The following XKR9 variants were observed in gnomAD, a reference collection of about 807,000 sequenced individuals.
XKR9 encodes the protein XK-related protein 9.
Under a neutral mutation model 32.0 loss-of-function variants are expected in XKR9, and 32 were observed. The ratio of observed to expected loss-of-function variants is 1.00; its 90% CI spans 0.76 to 1.34. The LOEUF (loss-of-function observed/expected upper bound fraction) is 1.34. Ranked by LOEUF, XKR9 falls within the 40% of genes most tolerant of loss-of-function variation. XKR9 has a pLI of 0.00. For missense variants in XKR9, 546 were observed against 429.7 expected (o/e 1.27, Z -2.39); for synonymous variants, 168 against 143.4 (o/e 1.17, Z -1.22).
chr8:70,948,580 T>C, the XKR9 span, among the ~76,000 whole-genome samples: 1 of 152,154 alleles, frequency 6.6e-6, no homozygotes, highest in Admixed American at 6.5e-5. Context: ...CATGTCATTC[T>C]CTCTGGTCTA....
chr8:70,825,494 CT>C, the XKR9 span, among the ~76,000 whole-genome samples: 15 of 152,204 alleles, frequency 9.9e-5, no homozygotes, highest in Non-Finnish European at 1.8e-4. Context: ...TCATACAATT[CT>C]CTTGAAGAAT....
chr8:70,704,504 G>A (rs543112498), intron 3 of XKR9, among the ~76,000 whole-genome samples: 2 of 152,264 alleles, frequency 1.3e-5, no homozygotes, highest in South Asian at 4.1e-4. Context: ...CAATGAGGGA[G>A]GTATGATGAT....
At chr8:70,909,910 T>C in the XKR9 span, among the ~76,000 whole-genome samples, 6 of 151,834 alleles carry the variant, frequency 4.0e-5, no homozygotes, top group African/African-American at 1.5e-4. Flanking sequence ...GGTTTTATCA[T>C]GTTGGCCAGG....
At chr8:70,768,752 C>CT (rs34429338) in intron 2 of XKR9, among the ~76,000 whole-genome samples, 11,041 of 144,098 alleles carry the variant, frequency 0.077, 441 homozygotes, top group Non-Finnish European at 0.092. Flanking sequence ...GAAACCCCTG[C>CT]TTTTTTTTTT....
intron 4 of XKR9, among the ~76,000 whole-genome samples, chr8:70,718,169 T>C (rs1260222017): frequency 1.3e-5 from 2 of 152,196 alleles, no homozygotes; most frequent in Non-Finnish European, 1.5e-5. Context: ...TGTCAAACTA[T>C]CCCACATTTT....
chr8:71,050,278 TAGATATAG>T, the XKR9 span, among the ~76,000 whole-genome samples: 5 of 136,186 alleles, frequency 3.7e-5, no homozygotes, highest in African/African-American at 1.5e-4. Context: ...TAGATAGATA[TAGATATAG>T]ATATAGATAT....
chr8:70,830,203 T>A, the XKR9 span, among the ~76,000 whole-genome samples: 17 of 152,212 alleles, frequency 1.1e-4, no homozygotes, highest in Admixed American at 1.0e-3. Flanking sequence ...AACTAACTGC[T>A]GGTTCTAAGT....
chr8:70,835,578 CT>C, the XKR9 span, among the ~76,000 whole-genome samples: 1 of 151,922 alleles, frequency 6.6e-6, no homozygotes, highest in African/African-American at 2.4e-5. Flanking sequence ...ATAGTCAATC[CT>C]TTTTTTGGAG....
At chr8:71,001,347 A>G in the XKR9 span, among the ~76,000 whole-genome samples, 2 of 152,042 alleles carry the variant, frequency 1.3e-5, no homozygotes, top group Non-Finnish European at 2.9e-5. Context: ...CTACAGCCTC[A>G]ACTCCCCGGG....
intron 2 of XKR9, among the ~76,000 whole-genome samples, chr8:70,782,799 C>A (rs1464112943): frequency 2.0e-5 from 3 of 152,058 alleles, no homozygotes; most frequent in African/African-American, 7.2e-5. Flanking sequence ...CGTATGTAGA[C>A]CACATTTTAT....
rs1466163794 is a variant in XKR9 at position 70,776,919 on chromosome 8, T to TCTCTC, written n.353-12420_353-12419insCTCTC. 5.0e-3 allele frequency among the ~76,000 whole-genome samples: 347 copies of TCTCTC among 69,680 alleles called. 14 individuals carry two copies. The highest frequency in any genetic ancestry group is 6.7e-3 in the Non-Finnish European group (263 of 39,044). The allele number at this position is 69,680 out of a possible 152,430, so 45.7% of individuals were successfully genotyped here. A position where few individuals can be genotyped will look rare whatever the true frequency, so the allele number is the denominator to read the frequency against. The stretch of plus-strand genomic sequence containing the variant: ...ACCTTGCATTTAGCAGGTTTTCTCT[T>TCTCTC]TCTTTCTCTCTCTCTCTCTCTCTCT... On this transcript the variant is annotated intron_variant and non_coding_transcript_variant, in intron 2 of 3. Transcript: ENST00000520273.
chr8:70,925,714 G>A, the XKR9 span, among the ~76,000 whole-genome samples: 81 of 152,256 alleles, frequency 5.3e-4, no homozygotes, highest in African/African-American at 1.8e-3. Flanking sequence ...GCAAGAACAC[G>A]TGGTAAGCTA....
the XKR9 span, among the ~76,000 whole-genome samples, chr8:70,835,722 A>G: frequency 1.3e-5 from 2 of 152,070 alleles, no homozygotes; most frequent in Non-Finnish European, 1.5e-5. Context: ...ACTTTTAGTC[A>G]TAGTTCAAAT....
intron 3 of XKR9, among the ~76,000 whole-genome samples, chr8:70,700,770 T>G (rs1805495744): frequency 1.3e-5 from 2 of 152,216 alleles, no homozygotes; most frequent in South Asian, 4.1e-4. Flanking sequence ...TTTGTTTGTC[T>G]GTGCCCTGCC....
At chr8:70,696,511 C>T (rs2132146494) in intron 3 of XKR9, among the ~76,000 whole-genome samples, 1 of 149,974 alleles carries the variant, frequency 6.7e-6, no homozygotes, top group South Asian at 2.1e-4. Flanking sequence ...GGCGTTATTT[C>T]TGAGGGCTCT....
chr8:71,018,449 G>A, the XKR9 span, among the ~76,000 whole-genome samples: 2 of 152,194 alleles, frequency 1.3e-5, no homozygotes, highest in African/African-American at 2.4e-5. Flanking sequence ...AATAAGTTCT[G>A]AAATACATGT....
chr8:70,794,815 GTCT>G (rs920292334), downstream of XKR9, among the ~76,000 whole-genome samples: 7 of 120,130 alleles, frequency 5.8e-5, no homozygotes, highest in Admixed American at 4.9e-4. Context: ...ATTGCTTGTA[GTCT>G]TCTTTTGTGT....
At chr8:70,783,900 G>C (rs1349113147) in intron 2 of XKR9, among the ~76,000 whole-genome samples, 1 of 152,024 alleles carries the variant, frequency 6.6e-6, no homozygotes, top group Non-Finnish European at 1.5e-5. Context: ...TTGAGATAAG[G>C]GTTCAATTTA....
the XKR9 span, among the ~76,000 whole-genome samples, chr8:70,850,188 A>T: frequency 1.0e-3 from 158 of 152,128 alleles, 1 homozygote; most frequent in Middle Eastern, 6.8e-3. Context: ...GAGGCTGGGC[A>T]CGGTGGCTCA....
Sources: gnomAD v4.1 joint callset for allele counts (sites outside exome capture counted in the v4.1 genomes callset) on GRCh38, gnomAD v4.1.1 for gene constraint, MANE v1.5 for transcripts, NCBI Gene and HGNC (gene_info 2026-07-23, HGNC 2026-07-21) for gene names.